The following RUNX2 variants were observed in gnomAD, a reference collection of about 807,000 sequenced individuals.
RUNX2 encodes the protein RUNX family transcription factor 2.
RUNX2 carries 10 observed loss-of-function variants against 51.7 expected under a neutral mutation model. That is an observed-to-expected ratio of 0.19 (90% CI 0.12 to 0.33). The LOEUF is 0.33. Ranked by LOEUF, RUNX2 falls within the 10% of genes least tolerant of loss-of-function variation. The pLI is 1.00. For synonymous variants in RUNX2, 276 were observed against 273.6 expected (o/e 1.01, Z -0.09); for missense variants, 562 against 691.3 (o/e 0.81, Z 2.10).
At chr6:45,418,021 T>A (rs1336701888) in intron 2 of RUNX2, among the ~76,000 whole-genome samples, 1 of 152,172 alleles carries the variant, frequency 6.6e-6, no homozygotes, top group East Asian at 1.9e-4. Flanking sequence ...TCTCCAAAGA[T>A]CGTTCTGTTT....
intron 2 of RUNX2, 90 bp from the exon 3 acceptor site, chr6:45,422,503 C>T: frequency 2.0e-6 from 2 of 980,318 alleles, no homozygotes; most frequent in South Asian, 1.5e-5. Flanking sequence ...TTCACCCCCC[C>T]AATTTCCTCC....
chr6:45,337,569 G>C (rs1004659811), intron 2 of RUNX2, among the ~76,000 whole-genome samples: 1 of 151,736 alleles, frequency 6.6e-6, no homozygotes, highest in Non-Finnish European at 1.5e-5. Context: ...AGAAACTCAA[G>C]GGTACCTAAA....
chr6:45,373,096 C>T (rs571066221), intron 2 of RUNX2, among the ~76,000 whole-genome samples: 4 of 152,164 alleles, frequency 2.6e-5, no homozygotes, highest in South Asian at 2.1e-4. Flanking sequence ...TGTGAGTCAC[C>T]GCACCCGGCC....
At chr6:45,474,821 C>G (rs1193929557) in intron 5 of RUNX2, among the ~76,000 whole-genome samples, 1 of 152,136 alleles carries the variant, frequency 6.6e-6, no homozygotes, top group Non-Finnish European at 1.5e-5. Context: ...CCTTTGGTCA[C>G]TGAATCACAC....
At chr6:45,485,631 A>C (rs759478625) in intron 5 of RUNX2, among the ~76,000 whole-genome samples, 4 of 150,298 alleles carry the variant, frequency 2.7e-5, no homozygotes, top group Non-Finnish European at 4.4e-5. Flanking sequence ...GATATCACAC[A>C]CATATATAGA....
intron 2 of RUNX2, among the ~76,000 whole-genome samples, chr6:45,344,767 G>C (rs1212232149): frequency 6.6e-6 from 1 of 152,106 alleles, no homozygotes; most frequent in African/African-American, 2.4e-5. Context: ...TAAGACAAAA[G>C]AGAAATATAC....
chr6:45,414,921 A>C (rs1217934750), intron 2 of RUNX2, among the ~76,000 whole-genome samples: 2 of 152,018 alleles, frequency 1.3e-5, no homozygotes, highest in Non-Finnish European at 2.9e-5. Context: ...ACACTGACCA[A>C]TTTTAGCCTG....
At chr6:45,348,889 A>G (rs544257531) in intron 2 of RUNX2, among the ~76,000 whole-genome samples, 1 of 152,168 alleles carries the variant, frequency 6.6e-6, no homozygotes, top group East Asian at 1.9e-4. Flanking sequence ...CCATTACACT[A>G]TCTCATAGTA....
intron 5 of RUNX2, among the ~76,000 whole-genome samples, chr6:45,474,157 T>TC (rs1010163063): frequency 2.6e-5 from 4 of 151,404 alleles, no homozygotes; most frequent in Non-Finnish European, 4.4e-5. Flanking sequence ...TTTTCTGTTT[T>TC]CTTTTTTTTT....
chr6:45,426,369 T>C (rs190324074), intron 3 of RUNX2, among the ~76,000 whole-genome samples: 1 of 152,332 alleles, frequency 6.6e-6, no homozygotes, highest in Non-Finnish European at 1.5e-5. Context: ...TAGATAATTC[T>C]AGTGACAAAG....
At chr6:45,351,209 T>C (rs562002923) in intron 2 of RUNX2, among the ~76,000 whole-genome samples, 1 of 152,212 alleles carries the variant, frequency 6.6e-6, no homozygotes, top group East Asian at 1.9e-4. Context: ...AAAAAAATTA[T>C]GCTCTAAATT....
chr6:45,509,928 T>G (rs368937347), intron 6 of RUNX2, among the ~76,000 whole-genome samples: 1 of 152,198 alleles, frequency 6.6e-6, no homozygotes, highest in African/African-American at 2.4e-5. Context: ...AAATCCAAAT[T>G]TGAGTCCTGT....
intron 6 of RUNX2, among the ~76,000 whole-genome samples, chr6:45,510,732 C>G (rs985943117): frequency 1.3e-5 from 2 of 151,056 alleles, no homozygotes; most frequent in Non-Finnish European, 3.0e-5. Context: ...CCTATGTCAC[C>G]CAGAGTTTTT....
intron 5 of RUNX2, among the ~76,000 whole-genome samples, chr6:45,482,701 A>G (rs1051371109): frequency 2.0e-5 from 3 of 152,288 alleles, no homozygotes; most frequent in African/African-American, 7.2e-5. Context: ...CATTTTTTCT[A>G]TGAAATGGAG....
intron 5 of RUNX2, among the ~76,000 whole-genome samples, chr6:45,447,828 G>A (rs1446090547): frequency 6.6e-6 from 1 of 152,186 alleles, no homozygotes; most frequent in Non-Finnish European, 1.5e-5. Context: ...ATGAGAAACT[G>A]TTAGTGTGAA....
intron 2 of RUNX2, among the ~76,000 whole-genome samples, chr6:45,330,247 T>C (rs1584943837): frequency 1.3e-5 from 2 of 152,034 alleles, no homozygotes; most frequent in East Asian, 3.9e-4. Context: ...AGTATTACTC[T>C]AAAAACTTCT....
intron 4 of RUNX2, among the ~76,000 whole-genome samples, chr6:45,435,917 G>T (rs1204837078): frequency 3.3e-5 from 5 of 152,102 alleles, no homozygotes; most frequent in African/African-American, 4.8e-5. Flanking sequence ...TTGTTTTGAG[G>T]TTCTAACTTG....
At chr6:45,423,033 G>A (rs1023620479) in intron 3 of RUNX2, 76 bp downstream of exon 3, 4 of 1,559,390 alleles carry the variant, frequency 2.6e-6, no homozygotes, top group Non-Finnish European at 3.5e-6. Context: ...TGCCCACGGG[G>A]CTGGGCCCCG....
At chr6:45,442,237 T>C (rs1005876013) in intron 5 of RUNX2, among the ~76,000 whole-genome samples, 1 of 152,238 alleles carries the variant, frequency 6.6e-6, no homozygotes, top group Non-Finnish European at 1.5e-5. Context: ...CTTTGCCAGC[T>C]TATCATTTTA....
Sources: allele counts gnomAD v4.1 joint callset (sites outside exome capture counted in the v4.1 genomes callset), GRCh38; gene constraint gnomAD v4.1.1; transcripts MANE v1.5; gene names NCBI Gene and HGNC (gene_info 2026-07-23, HGNC 2026-07-21).